DTNB: variants seen among roughly 807,000 people sequenced by gnomAD.
The protein encoded by DTNB is DTN-B.
In DTNB, 63 loss-of-function variants were observed where a neutral mutation model predicts 90.7. That is an observed-to-expected ratio of 0.69 (90% CI 0.57 to 0.86). DTNB has a LOEUF of 0.86. Ranked by LOEUF, DTNB falls within the 40% of genes least tolerant of loss-of-function variation. DTNB has a pLI of 0.00. For synonymous variants in DTNB, 277 were observed against 286.7 expected (o/e 0.97, Z 0.34); for missense variants, 744 against 807.1 (o/e 0.92, Z 0.95).
chr2:25,526,370 T>TATAA (rs1282617806), intron 9 of DTNB, among the ~76,000 whole-genome samples: 19 of 56,498 alleles, frequency 3.4e-4, no homozygotes, highest in East Asian at 6.1e-4. Flanking sequence ...TAAATATATA[T>TATAA]ATATATATAT....
chr2:25,668,569 T>C (rs2085061572), intron 1 of DTNB, among the ~76,000 whole-genome samples: 1 of 152,248 alleles, frequency 6.6e-6, no homozygotes, highest in African/African-American at 2.4e-5. Context: ...TCATGAACTT[T>C]AACAACAATG....
intron 10 of DTNB, among the ~76,000 whole-genome samples, chr2:25,465,312 C>G (rs1368270485): frequency 3.3e-5 from 5 of 150,594 alleles, no homozygotes; most frequent in African/African-American, 9.8e-5. Context: ...GGAGGCAGAG[C>G]TTGCAGTGAG....
intron 3 of DTNB, among the ~76,000 whole-genome samples, chr2:25,629,644 C>T (rs1426326342): frequency 2.6e-5 from 4 of 151,996 alleles, no homozygotes; most frequent in African/African-American, 4.8e-5. Context: ...GGGGGGAGGG[C>T]GGAGCTTGGA....
At chr2:25,596,648 T>C (rs568255823) in intron 5 of DTNB, among the ~76,000 whole-genome samples, 2 of 152,222 alleles carry the variant, frequency 1.3e-5, no homozygotes. Context: ...ATAAATACAT[T>C]AGCATCTTGG....
At chr2:25,470,533 A>C (rs539657384) in intron 10 of DTNB, among the ~76,000 whole-genome samples, 257 of 151,816 alleles carry the variant, frequency 1.7e-3, no homozygotes, top group African/African-American at 5.8e-3. Context: ...CCACCACCAC[A>C]CCCAGCTAAT....
At chr2:25,405,555 A>G (rs960339375) in intron 16 of DTNB, among the ~76,000 whole-genome samples, 3 of 151,964 alleles carry the variant, frequency 2.0e-5, no homozygotes, top group African/African-American at 7.3e-5. Flanking sequence ...AAATAAATAA[A>G]TAAAATGTTC....
At chr2:25,566,249 G>A (rs969418915) in intron 8 of DTNB, among the ~76,000 whole-genome samples, 1 of 152,168 alleles carries the variant, frequency 6.6e-6, no homozygotes, top group Non-Finnish European at 1.5e-5. Context: ...TCCTCAGCTG[G>A]CCGCCAGCAG....
chr2:25,442,878 AG>A (rs2057742104), intron 12 of DTNB, among the ~76,000 whole-genome samples: 1 of 152,224 alleles, frequency 6.6e-6, no homozygotes, highest in Admixed American at 6.5e-5. Flanking sequence ...AGTTGCTGTT[AG>A]AACCAGAGGT....
At chr2:25,535,301 G>GA (rs2079262929) in intron 8 of DTNB, among the ~76,000 whole-genome samples, 2 of 133,306 alleles carry the variant, frequency 1.5e-5, no homozygotes, top group East Asian at 2.4e-4. Flanking sequence ...CTTCCCAGAC[G>GA]GGGGTGGCCA....
At chr2:25,544,459 G>A (rs2082013595) in intron 8 of DTNB, among the ~76,000 whole-genome samples, 1 of 152,164 alleles carries the variant, frequency 6.6e-6, no homozygotes, top group South Asian at 2.1e-4. Context: ...AAAAAGCTCA[G>A]GATTGGTGAC....
At chr2:25,512,032 G>C (rs1183051905) in intron 9 of DTNB, among the ~76,000 whole-genome samples, 1 of 152,018 alleles carries the variant, frequency 6.6e-6, no homozygotes, top group Non-Finnish European at 1.5e-5. Context: ...TTCATGCTTG[G>C]AGCCAAAGTC....
chr2:25,625,653 T>G (rs1334397962), intron 4 of DTNB, among the ~76,000 whole-genome samples: 1 of 151,572 alleles, frequency 6.6e-6, no homozygotes, highest in Non-Finnish European at 1.5e-5. Flanking sequence ...TCTCTCTGTA[T>G]GTGTCTAGCT....
chr2:25,637,736 T>C (rs927908958), intron 3 of DTNB, among the ~76,000 whole-genome samples: 3 of 152,062 alleles, frequency 2.0e-5, no homozygotes, highest in Non-Finnish European at 2.9e-5. Context: ...TGTGGAGAAA[T>C]AGGAACACTT....
Position 25,465,263 on chromosome 2 carries a change from C to A in DTNB, c.1080-9769G>T, listed in dbSNP as rs530879184. Among the ~76,000 whole-genome samples the A allele has an allele frequency of 2.0e-5, 3 of 151,916 alleles. No homozygotes were observed. The East Asian group carries it at 5.8e-4, about 29-fold the overall frequency. ...TGGTGGCGGGCGCCTGTAGTCCCAG[C>A]TACTCAGGAGGCTGAGGCAGGAGAA... On this transcript the variant is annotated intron_variant, in intron 10 of 20. Transcript: ENST00000406818.
chr2:25,662,535 GC>G (rs1293445848), intron 1 of DTNB, among the ~76,000 whole-genome samples: 1 of 152,074 alleles, frequency 6.6e-6, no homozygotes, highest in Non-Finnish European at 1.5e-5. Context: ...ATTTAAGGAA[GC>G]ATCACCCTGG....
At chr2:25,408,620 ACTTTT>A (rs1173878634) in intron 16 of DTNB, among the ~76,000 whole-genome samples, 4 of 150,582 alleles carry the variant, frequency 2.7e-5, no homozygotes, top group East Asian at 3.9e-4. Flanking sequence ...ATAGCCTTCT[ACTTTT>A]CTTTTTTTAA....
intron 9 of DTNB, among the ~76,000 whole-genome samples, chr2:25,499,243 T>C (rs188089757): frequency 3.2e-4 from 48 of 151,338 alleles, no homozygotes; most frequent in African/African-American, 1.0e-3. Context: ...AGGGGGGCAG[T>C]GGAGAGTGGG....
intron 20 of DTNB, among the ~76,000 whole-genome samples, chr2:25,377,840 G>C (rs889737479): frequency 6.6e-6 from 1 of 152,196 alleles, no homozygotes; most frequent in Non-Finnish European, 1.5e-5. Flanking sequence ...GGACTGAGGT[G>C]TGCCGATGAA....
At chr2:25,389,677 C>T (rs1487522609) in intron 16 of DTNB, among the ~76,000 whole-genome samples, 1 of 152,098 alleles carries the variant, frequency 6.6e-6, no homozygotes, top group East Asian at 1.9e-4. Flanking sequence ...CAAATGAAGA[C>T]AGTTATCCTT....
Sources: allele counts gnomAD v4.1 joint callset (sites outside exome capture counted in the v4.1 genomes callset), GRCh38; gene constraint gnomAD v4.1.1; transcripts MANE v1.5; gene names NCBI Gene and HGNC (gene_info 2026-07-23, HGNC 2026-07-21).